Variants in KIAA1328 observed in about 807,000 individuals in gnomAD.
The protein encoded by KIAA1328 is protein hinderin.
KIAA1328 carries 52 observed loss-of-function variants against 68.1 expected under a neutral mutation model. That is an observed-to-expected ratio of 0.76 (90% CI 0.61 to 0.96). KIAA1328 has a LOEUF of 0.96. Among genes scored for constraint, KIAA1328 ranks in the 40% least tolerant of loss-of-function variants. The pLI is 0.00. For synonymous variants in KIAA1328, 232 were observed against 239.4 expected (o/e 0.97, Z 0.28); for missense variants, 641 against 677.6 (o/e 0.95, Z 0.60).
chr18:36,982,434 A>T (rs1475040749), intron 6 of KIAA1328, among the ~76,000 whole-genome samples: 1 of 151,810 alleles, frequency 6.6e-6, no homozygotes, highest in Non-Finnish European at 1.5e-5. Context: ...AAAAATGATA[A>T]ATATGACAGC....
chr18:37,154,454 C>G (rs947676734), intron 7 of KIAA1328, among the ~76,000 whole-genome samples: 2 of 152,252 alleles, frequency 1.3e-5, no homozygotes, highest in Admixed American at 6.5e-5. Flanking sequence ...AAATATATGT[C>G]TAGTTTTACT....
In KIAA1328 at chr18:36,839,889, C is replaced by T. The variant is rs193090847; in HGVS notation, c.238-4319C>T. On this transcript the variant is annotated intron_variant, in intron 3 of 9. Transcript: ENST00000280020. ...CTGTATTAGCTACAGAAATTGTTTC[C>T]ACTGTTCATTTTGGGCTCTTTCCCC... Among the ~76,000 whole-genome samples, 60 of 152,198 alleles carry T rather than the reference C, an allele frequency of 3.9e-4. 1 individual carries two copies. The highest frequency in any genetic ancestry group is 3.9e-3 in the Admixed American group (59 of 15,284).
chr18:37,174,772 T>C (rs964683273), intron 9 of KIAA1328, among the ~76,000 whole-genome samples: 1 of 151,904 alleles, frequency 6.6e-6, no homozygotes, highest in Non-Finnish European at 1.5e-5. Context: ...TTTTTGTATT[T>C]TTAGTAGAGA....
intron 3 of KIAA1328, among the ~76,000 whole-genome samples, chr18:36,843,533 A>C (rs1175346798): frequency 6.6e-6 from 1 of 152,184 alleles, no homozygotes; most frequent in African/African-American, 2.4e-5. Context: ...ACAAAAGATT[A>C]GAATAATATG....
chr18:36,835,446 A>G (rs2046642878), intron 3 of KIAA1328, 70 bp downstream of exon 3: 2 of 1,411,742 alleles, frequency 1.4e-6, no homozygotes, highest in South Asian at 2.7e-5. Context: ...AAAAGGGTAG[A>G]AGAACCTTTG....
At chr18:36,922,642 A>T (rs2049970515) in intron 5 of KIAA1328, among the ~76,000 whole-genome samples, 1 of 152,142 alleles carries the variant, frequency 6.6e-6, no homozygotes, top group Non-Finnish European at 1.5e-5. Context: ...GGTTACTAAA[A>T]ATGTTTATAT....
At chr18:36,884,834 T>G (rs1365671441) in intron 4 of KIAA1328, among the ~76,000 whole-genome samples, 2 of 152,220 alleles carry the variant, frequency 1.3e-5, no homozygotes, top group East Asian at 1.9e-4. Flanking sequence ...AGTGTTGGTG[T>G]TGTTCATGTT....
At chr18:37,074,010 G>T (rs975364589) in intron 7 of KIAA1328, among the ~76,000 whole-genome samples, 1 of 152,180 alleles carries the variant, frequency 6.6e-6, no homozygotes, top group Non-Finnish European at 1.5e-5. Flanking sequence ...CCCCAGTGAA[G>T]ATTTAAGATG....
intron 4 of KIAA1328, among the ~76,000 whole-genome samples, chr18:36,884,810 T>C (rs1274497467): frequency 6.6e-6 from 1 of 152,214 alleles, no homozygotes; most frequent in Non-Finnish European, 1.5e-5. Flanking sequence ...TATACTTCAG[T>C]GAATTGTAAA....
chr18:36,966,312 C>T (rs2051934891), intron 6 of KIAA1328, among the ~76,000 whole-genome samples: 1 of 152,036 alleles, frequency 6.6e-6, no homozygotes, highest in South Asian at 2.1e-4. Flanking sequence ...AACTCAAATC[C>T]ACACAAAGAA....
chr18:37,223,491 A>G lies in KIAA1328; in HGVS notation c.*1264A>G, dbSNP rs2060600240. ...AGCCAGAGTTCAAAACTCTCCAGTC[A>G]TTGAAAGCAAGGGGAGGGTGTGTTC... On this transcript the variant is annotated 3_prime_UTR_variant, in exon 10 of 10. Coordinates refer to ENST00000280020, the MANE Select transcript of KIAA1328 (RefSeq NM_020776.3). The G allele has an allele frequency of 1.0e-6, 1 of 985,318 alleles. No individual in the cohort carries two copies. 61.0% of individuals were successfully genotyped at this position (985,318 alleles called of 1,614,324 possible).
Position 37,082,230 on chromosome 18 carries a change from G to A in KIAA1328, c.1232+14685G>A, listed in dbSNP as rs1431576998. ...TCTGTCACCCAGGCTGAAGTGCAGT[G>A]GTGTGATCTTGGCTCACTGCAACCT... is the stretch of plus-strand genomic sequence containing the variant. On this transcript the variant is annotated intron_variant, in intron 7 of 9. Coordinates refer to ENST00000280020, the MANE Select transcript of KIAA1328 (RefSeq NM_020776.3). Among the ~76,000 whole-genome samples, 7 of 140,876 alleles carry A rather than the reference G, an allele frequency of 5.0e-5. No individual in the cohort carries two copies. In the Admixed American group the frequency reaches 5.3e-4, roughly 11 times the overall value. 92.4% of individuals were successfully genotyped at this position (140,876 alleles called of 152,430 possible).
At chr18:36,853,885 T>A (rs914389240) in intron 4 of KIAA1328, among the ~76,000 whole-genome samples, 2 of 152,166 alleles carry the variant, frequency 1.3e-5, no homozygotes, top group African/African-American at 4.8e-5. Flanking sequence ...CTTGAACTCC[T>A]GATCTCAGGT....
In KIAA1328 at chr18:37,074,655, A is replaced by G. The variant is rs1197609135; in HGVS notation, c.1232+7110A>G. The G allele has an allele frequency of 2.0e-5, 3 of 152,308 alleles. No homozygotes were observed. The East Asian group carries it at 5.8e-4, about 29-fold the overall frequency. 9.4% of individuals were successfully genotyped at this position (152,308 alleles called of 1,614,324 possible). The stretch of plus-strand genomic sequence containing the variant: ...GCTTTCAGCTCCATCAGCTCCTTTA[A>G]GCACGTCTCTGTATTGGTTATTCTA... On this transcript the variant is annotated intron_variant, in intron 7 of 9. Transcript: ENST00000280020.
At chr18:36,841,717 C>T (rs1223558529) in intron 3 of KIAA1328, among the ~76,000 whole-genome samples, 4 of 152,198 alleles carry the variant, frequency 2.6e-5, no homozygotes, top group Non-Finnish European at 4.4e-5. Flanking sequence ...AATGAATGAG[C>T]ACGTTTTAAT....
intron 5 of KIAA1328, among the ~76,000 whole-genome samples, chr18:36,937,211 A>G (rs2050533425): frequency 6.6e-6 from 1 of 152,242 alleles, no homozygotes. Context: ...AAATTAACTC[A>G]AGATGGATTA....
chr18:36,939,471 A>G (rs1283462581), intron 5 of KIAA1328, among the ~76,000 whole-genome samples: 1 of 152,092 alleles, frequency 6.6e-6, no homozygotes, highest in Non-Finnish European at 1.5e-5. Flanking sequence ...GAATTCATTT[A>G]TCAGCTCTAA....
intron 9 of KIAA1328, among the ~76,000 whole-genome samples, chr18:37,210,271 C>T (rs993109776): frequency 6.6e-6 from 1 of 152,182 alleles, no homozygotes; most frequent in Admixed American, 6.5e-5. Context: ...GTCTTGTTAT[C>T]TTGCTAGTTC....
intron 7 of KIAA1328, among the ~76,000 whole-genome samples, chr18:37,109,750 T>C (rs990339728): frequency 6.6e-6 from 1 of 152,216 alleles, no homozygotes; most frequent in African/African-American, 2.4e-5. Context: ...TCTCAGCCTT[T>C]GTTCTAACAT....
Sources: gnomAD v4.1 joint callset for allele counts (sites outside exome capture counted in the v4.1 genomes callset) on GRCh38, gnomAD v4.1.1 for gene constraint, MANE v1.5 for transcripts, NCBI Gene and HGNC (gene_info 2026-07-23, HGNC 2026-07-21) for gene names.